MIA2: variants seen among roughly 807,000 people sequenced by gnomAD.
MIA2 encodes the protein melanoma inhibitory activity protein 2.
Under a neutral mutation model 167.8 loss-of-function variants are expected in MIA2, and 127 were observed. The observed-to-expected ratio is 0.76, with a 90% CI of 0.66 to 0.88. MIA2 has a LOEUF of 0.88. Ranked by LOEUF, MIA2 falls within the 40% of genes least tolerant of loss-of-function variation. The pLI is 0.00. For missense variants in MIA2, 1,690 were observed against 1,624.7 expected (o/e 1.04, Z -0.69); for synonymous variants, 552 against 541.9 (o/e 1.02, Z -0.26).
In MIA2 at chr14:39,304,349, C is replaced by G. The variant is rs2062987652; in HGVS notation, c.2846C>G (p.Ser949Cys). 1.9e-6 allele frequency: 3 copies of G among 1,571,628 alleles called. No individual in the cohort carries two copies. Among genetic ancestry groups the G allele is most frequent in the Non-Finnish European group, 2.6e-6 (3 of 1,158,718 alleles). The change falls in exon 17 of 29, where the codon TCT becomes TGT. Residue 949 changes from serine (S) to cysteine (C), a missense_variant. Ser to Cys is a moderately radical substitution (Grantham distance 112). Transcript: ENST00000640607. ...AGAAACCAAATTTATATTCAGTTGT[C>G]TGAAGTTGATAAAACAAAGGAAGAG... ...GERNQIYIQL[S>C]EVDKTKEELT... is the part of the protein sequence containing the mutation.
At chr14:39,288,704 G>A (rs960290241) in intron 9 of MIA2, among the ~76,000 whole-genome samples, 1 of 150,756 alleles carries the variant, frequency 6.6e-6, no homozygotes, top group Non-Finnish European at 1.5e-5. Flanking sequence ...CCTGTGATCT[G>A]TCCGCCTCGG....
intron 6 of MIA2, among the ~76,000 whole-genome samples, chr14:39,268,096 T>C (rs1167532345): frequency 6.6e-6 from 1 of 152,156 alleles, no homozygotes; most frequent in African/African-American, 2.4e-5. Flanking sequence ...ACTCCCAGTG[T>C]TCAAATTTTG....
intron 23 of MIA2, among the ~76,000 whole-genome samples, chr14:39,380,882 C>T (rs1168927071): frequency 1.3e-5 from 2 of 151,944 alleles, no homozygotes; most frequent in East Asian, 3.9e-4. Flanking sequence ...ATATCATGGG[C>T]CTATTCCGAA....
chr14:39,319,616 G>A (rs954203393), intron 23 of MIA2, among the ~76,000 whole-genome samples: 1 of 151,988 alleles, frequency 6.6e-6, no homozygotes, highest in African/African-American at 2.4e-5. Flanking sequence ...GAGATTGAAT[G>A]AATAAGGAGT....
intron 3 of MIA2, among the ~76,000 whole-genome samples, chr14:39,241,067 T>C: frequency 6.6e-6 from 1 of 152,210 alleles, no homozygotes; most frequent in Non-Finnish European, 1.5e-5. Context: ...AGAACAGCAT[T>C]AAATGCTCAG....
chr14:39,368,331 G>A (rs114940963), intron 23 of MIA2, among the ~76,000 whole-genome samples: 433 of 152,304 alleles, frequency 2.8e-3, no homozygotes, highest in African/African-American at 1.0e-2. Context: ...GTCTCAGGCA[G>A]GGCAGTGGCA....
rs750889122 is a variant in MIA2, at chr14:39,247,828, A to G, written c.1254A>G (p.Glu418=). ...AACATGAACATCCTCTAACAAGTGA[A>G]TTAGACCCTGAAAAAGAACAAGAAA... ...ADEHEHPLTS[E]LDPEKEQEIE... The change falls in exon 4 of 29, where the codon GAA becomes GAG. Residue 418 remains glutamate (E), a synonymous_variant. Transcript: ENST00000640607. The G allele has an allele frequency of 2.5e-6, 4 of 1,594,602 alleles. No individual in the cohort carries two copies. In the South Asian group the frequency reaches 3.5e-5, roughly 14 times the overall value.
At chr14:39,335,566 C>T (rs1314135689) in intron 25 of MIA2, among the ~76,000 whole-genome samples, 1 of 152,214 alleles carries the variant, frequency 6.6e-6, no homozygotes, top group Admixed American at 6.5e-5. Context: ...TCTCTTTTCT[C>T]ATATGCCCTA....
chr14:39,344,575 T>G (rs1335350349), intron 25 of MIA2, among the ~76,000 whole-genome samples: 1 of 152,180 alleles, frequency 6.6e-6, no homozygotes, highest in Admixed American at 6.5e-5. Flanking sequence ...TGCCAGGTGG[T>G]CTCTCTGGTT....
chr14:39,387,170 A>G (rs1433545494), exon 24 of MIA2: 9 of 492,464 alleles, frequency 1.8e-5, no homozygotes, highest in Non-Finnish European at 2.5e-5. Flanking sequence ...TTATAAGACT[A>G]TAGCTACCAT....
chr14:39,349,859 A>C (rs2074152478), intron 28 of MIA2, among the ~76,000 whole-genome samples: 1 of 152,196 alleles, frequency 6.6e-6, no homozygotes, highest in African/African-American at 2.4e-5. Context: ...TTTTTTAAAA[A>C]ACAGGTGTTA....
At chr14:39,242,481 C>A (rs1318201306) in intron 3 of MIA2, among the ~76,000 whole-genome samples, 1 of 152,048 alleles carries the variant, frequency 6.6e-6, no homozygotes, top group African/African-American at 2.4e-5. Flanking sequence ...CACTGCCAAG[C>A]CTGGCTATTT....
intron 10 of MIA2, among the ~76,000 whole-genome samples, chr14:39,291,819 T>G (rs181272927): frequency 6.6e-6 from 1 of 152,278 alleles, no homozygotes; most frequent in Non-Finnish European, 1.5e-5. Flanking sequence ...CTAAGACAGA[T>G]TAGGGTAAGT....
At chr14:39,325,487 C>T (rs1280421967) in intron 24 of MIA2, among the ~76,000 whole-genome samples, 4 of 148,534 alleles carry the variant, frequency 2.7e-5, no homozygotes, top group African/African-American at 7.4e-5. Context: ...TCTGCCTCAG[C>T]CTCCTGAGTA....
chr14:39,368,153 CAATG>C (rs1312597557), intron 23 of MIA2, among the ~76,000 whole-genome samples: 3 of 152,042 alleles, frequency 2.0e-5, no homozygotes, highest in Non-Finnish European at 4.4e-5. Flanking sequence ...TTGAATTAGA[CAATG>C]AAGAGATTTA....
intron 10 of MIA2, among the ~76,000 whole-genome samples, chr14:39,291,542 C>G (rs1477497277): frequency 1.3e-5 from 2 of 152,182 alleles, no homozygotes; most frequent in Non-Finnish European, 2.9e-5. Context: ...TAAGAGCTAA[C>G]TAGAATTAGG....
At chr14:39,261,851 T>C (rs2055133753) in intron 6 of MIA2, among the ~76,000 whole-genome samples, 1 of 152,202 alleles carries the variant, frequency 6.6e-6, no homozygotes, top group Non-Finnish European at 1.5e-5. Flanking sequence ...ATTTTTTTCT[T>C]GTACATTTGT....
intron 24 of MIA2, 48 bp downstream of exon 24, chr14:39,321,104 A>T: frequency 6.5e-7 from 1 of 1,544,160 alleles, no homozygotes; most frequent in South Asian, 1.2e-5. Context: ...TCCTTACTTT[A>T]TATTTTCATC....
At chr14:39,253,456 T>C in intron 6 of MIA2, 1 of 434,786 alleles carries the variant, frequency 2.3e-6, no homozygotes, top group Non-Finnish European at 4.1e-6. Context: ...AGGTACTAAA[T>C]AAGTTAACTC....
Sources: gnomAD v4.1 joint callset for allele counts (sites outside exome capture counted in the v4.1 genomes callset) on GRCh38, gnomAD v4.1.1 for gene constraint, MANE v1.5 for transcripts, NCBI Gene and HGNC (gene_info 2026-07-23, HGNC 2026-07-21) for gene names.